Variants in SLC25A21 observed in about 807,000 individuals in gnomAD.
SLC25A21 encodes the protein solute carrier family 25 member 21, also known as mitochondrial 2-oxodicarboxylate carrier.
Under a neutral mutation model 43.8 loss-of-function variants are expected in SLC25A21, and 47 were observed. The observed-to-expected ratio is 1.07, with a 90% CI of 0.85 to 1.37. The LOEUF (loss-of-function observed/expected upper bound fraction) is 1.37. SLC25A21 is among the 40% of genes most tolerant of loss of function. SLC25A21 has a pLI of 0.00. For synonymous variants in SLC25A21, 131 were observed against 121.3 expected (o/e 1.08, Z -0.52); for missense variants, 352 against 350.2 (o/e 1.00, Z -0.04).
chr14:37,096,217 C>T (rs1962690930), intron 1 of SLC25A21, among the ~76,000 whole-genome samples: 1 of 152,090 alleles, frequency 6.6e-6, no homozygotes, highest in African/African-American at 2.4e-5. Flanking sequence ...AAAAGTATTG[C>T]ATCAATGACA....
intron 1 of SLC25A21, among the ~76,000 whole-genome samples, chr14:37,128,577 T>TGTGTGTGTGTGC (rs1024661078): frequency 2.5e-4 from 38 of 149,274 alleles, no homozygotes; most frequent in African/African-American, 9.1e-4. Flanking sequence ...TGTGTGTGTG[T>TGTGTGTGTGTGC]GCATTTTGCT....
intron 7 of SLC25A21, among the ~76,000 whole-genome samples, chr14:36,696,771 T>G (rs574767808): frequency 6.6e-6 from 1 of 152,342 alleles, no homozygotes; most frequent in Non-Finnish European, 1.5e-5. Context: ...TTATCATTTT[T>G]TATTGCATCT....
chr14:36,878,031 T>C (rs1483620086), intron 1 of SLC25A21, among the ~76,000 whole-genome samples: 1 of 152,152 alleles, frequency 6.6e-6, no homozygotes, highest in African/African-American at 2.4e-5. Flanking sequence ...AATAATCTAA[T>C]CATCTTCTCC....
intron 1 of SLC25A21, among the ~76,000 whole-genome samples, chr14:37,117,067 G>A (rs1265978475): frequency 1.3e-5 from 2 of 152,072 alleles, no homozygotes; most frequent in Non-Finnish European, 2.9e-5. Flanking sequence ...TTTTCTTATA[G>A]TTTATAGCTG....
intron 1 of SLC25A21, among the ~76,000 whole-genome samples, chr14:37,137,249 G>A (rs1043575163): frequency 2.0e-5 from 3 of 151,984 alleles, no homozygotes; most frequent in African/African-American, 4.8e-5. Flanking sequence ...CGCCCGCCTC[G>A]GCCTCCTAAA....
chr14:36,747,504 G>A (rs886561523), intron 3 of SLC25A21, among the ~76,000 whole-genome samples: 2 of 152,230 alleles, frequency 1.3e-5, no homozygotes, highest in South Asian at 2.1e-4. Context: ...CTAACATGAC[G>A]GCAGCTGGGG....
At chr14:36,692,245 G>C (rs551268224) in intron 7 of SLC25A21, among the ~76,000 whole-genome samples, 1 of 152,298 alleles carries the variant, frequency 6.6e-6, no homozygotes, top group East Asian at 1.9e-4. Context: ...ATTATTTATA[G>C]ACTCTTTGTG....
chr14:36,919,616 T>TATC (rs1891922379), intron 1 of SLC25A21, among the ~76,000 whole-genome samples: 1 of 40,966 alleles, frequency 2.4e-5, no homozygotes, highest in Admixed American at 2.9e-4. Context: ...CAAGATTATC[T>TATC]ATCTACCTAT....
intron 2 of SLC25A21, among the ~76,000 whole-genome samples, chr14:36,814,900 C>A (rs1594612709): frequency 1.3e-5 from 2 of 152,258 alleles, no homozygotes. Flanking sequence ...TTTACAATAG[C>A]AAAGACTTGG....
chr14:36,855,260 G>A (rs1477103207), intron 2 of SLC25A21, among the ~76,000 whole-genome samples: 1 of 151,860 alleles, frequency 6.6e-6, no homozygotes, highest in Admixed American at 6.6e-5. Flanking sequence ...ACTAGGAAAT[G>A]GGCCTGAGGA....
chr14:36,766,487 C>A (rs1360006678), intron 3 of SLC25A21, among the ~76,000 whole-genome samples: 1 of 152,134 alleles, frequency 6.6e-6, no homozygotes, highest in African/African-American at 2.4e-5. Flanking sequence ...CTGCCCACTG[C>A]CAACCAAAGG....
chr14:37,122,166 G>T (rs1379469901), intron 1 of SLC25A21, among the ~76,000 whole-genome samples: 3 of 152,116 alleles, frequency 2.0e-5, no homozygotes, highest in African/African-American at 7.2e-5. Context: ...GTACCTTGCA[G>T]GACTAATGTC....
At chr14:36,893,991 TCTTTTGG>T (rs1231630477) in intron 1 of SLC25A21, among the ~76,000 whole-genome samples, 5 of 152,234 alleles carry the variant, frequency 3.3e-5, no homozygotes, top group Non-Finnish European at 7.3e-5. Flanking sequence ...CCAGCTTTGT[TCTTTTGG>T]CTTAGGATTG....
chr14:37,146,703 T>G (rs1460517630), intron 1 of SLC25A21, among the ~76,000 whole-genome samples: 1 of 152,208 alleles, frequency 6.6e-6, no homozygotes, highest in African/African-American at 2.4e-5. Flanking sequence ...CATGTCAATG[T>G]TACTTACAGA....
intron 1 of SLC25A21, among the ~76,000 whole-genome samples, chr14:36,927,753 G>A (rs1031863217): frequency 6.6e-6 from 1 of 152,088 alleles, no homozygotes; most frequent in African/African-American, 2.4e-5. Context: ...CCTAATTCAA[G>A]CATGGAAATC....
intron 1 of SLC25A21, among the ~76,000 whole-genome samples, chr14:37,108,333 T>A (rs926189001): frequency 6.6e-6 from 1 of 152,122 alleles, no homozygotes; most frequent in Non-Finnish European, 1.5e-5. Context: ...CAAAAAAAAA[T>A]TTATGATAGA....
At chr14:37,082,754 G>T (rs991027896) in intron 1 of SLC25A21, among the ~76,000 whole-genome samples, 1 of 152,128 alleles carries the variant, frequency 6.6e-6, no homozygotes. Flanking sequence ...TCTAATATTA[G>T]CAGATCCCTT....
At chr14:37,172,176 G>T (rs1393278920) in intron 1 of SLC25A21, 105 bp downstream of exon 1, 8 of 1,193,422 alleles carry the variant, frequency 6.7e-6, no homozygotes, top group Non-Finnish European at 1.2e-6. Flanking sequence ...GAATTTTGAG[G>T]AAGAGGGCAG....
At chr14:36,756,052 T>C (rs1388462254) in intron 3 of SLC25A21, among the ~76,000 whole-genome samples, 1 of 152,214 alleles carries the variant, frequency 6.6e-6, no homozygotes, top group Non-Finnish European at 1.5e-5. Context: ...GATAGAATGC[T>C]GGGGTGGTGC....
Sources: gnomAD v4.1 joint callset for allele counts (sites outside exome capture counted in the v4.1 genomes callset) on GRCh38, gnomAD v4.1.1 for gene constraint, MANE v1.5 for transcripts, NCBI Gene and HGNC (gene_info 2026-07-23, HGNC 2026-07-21) for gene names.